The following C17orf67 variants were observed in gnomAD, a reference collection of about 807,000 sequenced individuals.
The protein encoded by C17orf67 is uncharacterized protein C17orf67.
A neutral mutation model predicts 11.2 loss-of-function variants in C17orf67; 12 were observed. The ratio of observed to expected loss-of-function variants is 1.07; its 90% confidence interval spans 0.68 to 1.73. The LOEUF is 1.73. Ranked by LOEUF, C17orf67 falls within the 40% of genes most tolerant of loss-of-function variation. The pLI is 0.00. For synonymous variants in C17orf67, 59 were observed against 46.9 expected, an observed-to-expected ratio of 1.26 and a Z score of -1.05; for missense variants, 115 against 113.5, an observed-to-expected ratio of 1.01 and a Z score of -0.06.
rs1372913081 is a variant in C17orf67, at chr17:56,827,612, G to A, written c.-556-2291C>T. Among the ~76,000 whole-genome samples, 4 of 152,208 alleles carry A rather than the reference G, an allele frequency of 2.6e-5. No individual in the cohort carries two copies. In the East Asian group the frequency reaches 7.7e-4, roughly 29 times the overall value. On this transcript the variant is annotated intron_variant, in intron 2 of 7. Coordinates refer to ENST00000397861, the MANE Select transcript of C17orf67 (RefSeq NM_001085430.4). ...TCTCAGTCCCACTATTGGCCGTGTG[G>A]GACTGCAGTGTCATGGAGGGGCTGC... is the stretch of plus-strand genomic sequence containing the variant.
At chr17:56,825,872 G>C (rs1285561445) in intron 2 of C17orf67, among the ~76,000 whole-genome samples, 1 of 152,162 alleles carries the variant, frequency 6.6e-6, no homozygotes, top group Non-Finnish European at 1.5e-5. Flanking sequence ...TCTTTGGAGT[G>C]AGAGATGGTG....
At chr17:56,795,788 G>A (rs970290620) in intron 6 of C17orf67, among the ~76,000 whole-genome samples, 3 of 152,194 alleles carry the variant, frequency 2.0e-5, no homozygotes, top group African/African-American at 7.2e-5. Flanking sequence ...AATAAATTAT[G>A]TTAGGGTTAT....
chr17:56,809,027 G>C (rs1905524379), intron 6 of C17orf67, among the ~76,000 whole-genome samples: 1 of 151,814 alleles, frequency 6.6e-6, no homozygotes, highest in South Asian at 2.1e-4. Flanking sequence ...TAGTGTGGAG[G>C]GGTGAGTGTG....
At chr17:56,828,140 T>C (rs1906091368) in intron 2 of C17orf67, among the ~76,000 whole-genome samples, 1 of 144,514 alleles carries the variant, frequency 6.9e-6, no homozygotes, top group African/African-American at 2.6e-5. Context: ...GCACGGCGGC[T>C]CACGCTTGTA....
In C17orf67 at chr17:56,825,944, A is replaced by AGC. The variant is rs112419442; in HGVS notation, c.-556-624_-556-623insGC. On this transcript the variant is annotated intron_variant, in intron 2 of 7. Coordinates refer to ENST00000397861, the MANE Select transcript of C17orf67 (RefSeq NM_001085430.4). Reference sequence around the variant, plus strand: ...TAATGGGGATTGGGGGAAACCTGTGAGTGTGTGTGTGTGTGTGCACGCGTG... The same window carrying AGC: ...TAATGGGGATTGGGGGAAACCTGTGAGCGTGTGTGTGTGTGTGTGCACGCGTG... Among the ~76,000 whole-genome samples, 4 of 90,186 alleles carry AGC rather than the reference A, an allele frequency of 4.4e-5. No homozygotes were observed. In the Admixed American group the frequency reaches 5.0e-4, roughly 11 times the overall value. The allele number at this position is 90,186 out of a possible 152,430, so 59.2% of individuals were successfully genotyped here.
chr17:56,832,481 C>T (rs909016150), intron 2 of C17orf67, among the ~76,000 whole-genome samples: 1 of 152,212 alleles, frequency 6.6e-6, no homozygotes, highest in African/African-American at 2.4e-5. Context: ...TCAGGAGTAT[C>T]CTTCTCAAGA....
intron 6 of C17orf67, among the ~76,000 whole-genome samples, chr17:56,805,165 C>T (rs1021833234): frequency 1.3e-5 from 2 of 152,148 alleles, no homozygotes; most frequent in African/African-American, 4.8e-5. Flanking sequence ...GCTATGCTAG[C>T]GGGACGTTCT....
At chr17:56,808,853 T>A (rs1905520326) in intron 6 of C17orf67, among the ~76,000 whole-genome samples, 1 of 152,190 alleles carries the variant, frequency 6.6e-6, no homozygotes, top group African/African-American at 2.4e-5. Context: ...CTTCTGCAAA[T>A]CTTCATACTT....
intron 4 of C17orf67, among the ~76,000 whole-genome samples, chr17:56,820,418 C>T (rs1905870887): frequency 6.6e-6 from 1 of 152,156 alleles, no homozygotes; most frequent in African/African-American, 2.4e-5. Flanking sequence ...ACCATTCCAT[C>T]GCAGGGCACA....
At chr17:56,822,296 C>T (rs1905922777) in intron 4 of C17orf67, among the ~76,000 whole-genome samples, 1 of 152,196 alleles carries the variant, frequency 6.6e-6, no homozygotes, top group Non-Finnish European at 1.5e-5. Context: ...CCTGCCAGAA[C>T]ATTCATTCAA....
chr17:56,811,328 G>A (rs1033552821), intron 6 of C17orf67, among the ~76,000 whole-genome samples: 1 of 152,216 alleles, frequency 6.6e-6, no homozygotes, highest in Non-Finnish European at 1.5e-5. Flanking sequence ...AATATGGACT[G>A]GAAATGCACT....
rs1305383220 is a variant in C17orf67, at chr17:56,795,179, T to C, written c.158A>G (p.Glu53Gly). The C allele has an allele frequency of 6.2e-7, 1 of 1,613,940 alleles. No homozygotes were observed. Residue 53 changes from glutamate (E) to glycine (G), a missense_variant and splice_region_variant, in exon 7 of 8, where the codon GAA (glutamate) becomes GGA (glycine). By Grantham distance (98) the Glu-to-Gly change is moderately conservative. Transcript: ENST00000397861. ...CAGGGCGAGCAGGTGGTGCATGTAT[T>C]CCTGTCAAAACAAACCACACTGAAG... ...KPGFPDEPMR[E>G]YMHHLLALEH...
At chr17:56,822,841 T>C (rs986452747) in intron 4 of C17orf67, among the ~76,000 whole-genome samples, 2 of 152,226 alleles carry the variant, frequency 1.3e-5, no homozygotes, top group African/African-American at 4.8e-5. Context: ...CACCCCTTCC[T>C]GTCTGCAGCA....
intron 6 of C17orf67, among the ~76,000 whole-genome samples, chr17:56,805,938 T>C (rs72837352): frequency 0.12 from 17,517 of 149,410 alleles, 1,120 homozygotes; most frequent in South Asian, 0.16. Context: ...TGCCTGTCTT[T>C]GGGGAGAAGG....
intron 4 of C17orf67, among the ~76,000 whole-genome samples, chr17:56,821,336 T>A (rs919516914): frequency 1.3e-5 from 2 of 152,218 alleles, no homozygotes; most frequent in Non-Finnish European, 2.9e-5. Context: ...CTACCTCACA[T>A]GTACATTGTA....
Position 56,791,917 on chromosome 17 carries a change from T to C in C17orf67, c.*456A>G, listed in dbSNP as rs1368292183. The C allele has an allele frequency of 6.7e-6, 1 of 149,706 alleles. No homozygotes were observed. The highest frequency in any genetic ancestry group is 1.5e-5 in the Non-Finnish European group (1 of 67,650). 9.3% of individuals were successfully genotyped at this position (149,706 alleles called of 1,614,324 possible). A position where few individuals can be genotyped will look rare whatever the true frequency, so the allele number is the denominator to read the frequency against. ...AAAGGAAGAGACCACTAAAAGTAAA[T>C]TTAATACCAATGTTTATTAGGGCAG... On this transcript the variant is annotated 3_prime_UTR_variant, in exon 8 of 8. Coordinates refer to ENST00000397861, the MANE Select transcript of C17orf67 (RefSeq NM_001085430.4).
chr17:56,812,307 G>T (rs923783960), intron 6 of C17orf67, among the ~76,000 whole-genome samples: 13 of 152,178 alleles, frequency 8.5e-5, no homozygotes, highest in African/African-American at 2.9e-4. Flanking sequence ...GCCCTGTGTA[G>T]GGTGTTTAGC....
Position 56,833,021 on chromosome 17 carries a change from T to C in C17orf67, c.-680A>G, listed in dbSNP as rs1906272748. The C allele has an allele frequency of 6.6e-6, 1 of 152,272 alleles. No homozygotes were observed. Among genetic ancestry groups the C allele is most frequent in the African/African-American group, 2.4e-5 (1 of 41,458 alleles). 9.4% of individuals were successfully genotyped at this position (152,272 alleles called of 1,614,324 possible). ...ATCTCTGCGTTTCTTTTCTGTTCCT[T>C]TGGTCCCTTGCTTCGGTGTGTGTTT... On this transcript the variant is annotated 5_prime_UTR_variant, in exon 2 of 8. Transcript: ENST00000397861.
chr17:56,800,738 G>A (rs1353680436), intron 6 of C17orf67, among the ~76,000 whole-genome samples: 2 of 152,058 alleles, frequency 1.3e-5, no homozygotes, highest in Non-Finnish European at 2.9e-5. Flanking sequence ...CACTTCTCTG[G>A]GTCTCCAAAG....
Sources: gnomAD v4.1 joint callset for allele counts (sites outside exome capture counted in the v4.1 genomes callset) on GRCh38, gnomAD v4.1.1 for gene constraint, MANE v1.5 for transcripts, NCBI Gene and HGNC (gene_info 2026-07-23, HGNC 2026-07-21) for gene names.